The following CNOT11 variants were observed in gnomAD, a reference collection of about 807,000 sequenced individuals.
CNOT11 encodes CCR4-NOT transcription complex subunit 11, also known as UPF0760 protein C2orf29.
Under a neutral mutation model 44.6 loss-of-function variants are expected in CNOT11, and 18 were observed. The observed-to-expected ratio is 0.40, with a 90% CI of 0.28 to 0.60. The LOEUF is 0.60. CNOT11 is among the 20% of genes least tolerant of loss of function. The pLI is 0.38. For synonymous variants in CNOT11, 291 were observed against 270.9 expected (o/e 1.07, Z -0.73); for missense variants, 513 against 677.0 (o/e 0.76, Z 2.69).
intron 1 of CNOT11, among the ~76,000 whole-genome samples, chr2:101,254,854 C>T (rs1325658621): frequency 6.6e-6 from 1 of 151,108 alleles, no homozygotes; most frequent in African/African-American, 2.4e-5. Flanking sequence ...GTTAGGGTGA[C>T]AGCTTCTAAA....
Position 101,257,588 on chromosome 2 carries a change from T to C in CNOT11, c.515-203T>C, listed in dbSNP as rs115167526. ...AAGTACAAAAACCTTAAGTTTCATT[T>C]GTAGGGCCACAGATCATAGAATTTC... On this transcript the variant is annotated intron_variant, in intron 1 of 6. Coordinates refer to ENST00000289382, the MANE Select transcript of CNOT11 (RefSeq NM_017546.5). Among the ~76,000 whole-genome samples the C allele has an allele frequency of 4.4e-3, 676 of 152,276 alleles. 3 individuals carry two copies. The highest frequency in any genetic ancestry group is 0.015 in the African/African-American group (643 of 41,566).
At chr2:101,264,047 T>G (rs1428699922) in intron 3 of CNOT11, among the ~76,000 whole-genome samples, 1 of 152,208 alleles carries the variant, frequency 6.6e-6, no homozygotes, top group South Asian at 2.1e-4. Flanking sequence ...AACTAAAAAA[T>G]ATTTTCTGTA....
chr2:101,257,028 G>A lies in CNOT11; in HGVS notation c.515-763G>A, dbSNP rs1384674525. On this transcript the variant is annotated intron_variant, in intron 1 of 6. Coordinates refer to ENST00000289382, the MANE Select transcript of CNOT11 (RefSeq NM_017546.5). ...TGCACCACTGCACTCCAGCCTGGGC[G>A]ACAGAGCGAGATTCCATCTCAAAAA... is the stretch of plus-strand genomic sequence containing the variant. 4.0e-5 allele frequency among the ~76,000 whole-genome samples: 6 copies of A among 151,636 alleles called. No homozygotes were observed. The East Asian group carries it at 7.8e-4, about 20-fold the overall frequency.
At chr2:101,265,078 T>C (rs1573202758) in intron 4 of CNOT11, 31 bp downstream of exon 4, 1 of 1,341,064 alleles carries the variant, frequency 7.5e-7, no homozygotes, top group Non-Finnish European at 1.0e-6. Context: ...TTTTCTTATC[T>C]TTTTTTTTAA....
In CNOT11 at chr2:101,269,376, C is replaced by T; in HGVS notation, c.1496C>T (p.Thr499Ile). 1 of 1,614,060 alleles carries T rather than the reference C, an allele frequency of 6.2e-7. No individual in the cohort carries two copies. Among genetic ancestry groups the T allele is most frequent in the Non-Finnish European group, 8.5e-7 (1 of 1,179,998 alleles). The change falls in exon 7 of 7, where the codon ACT (threonine) becomes ATT (isoleucine). Residue 499 changes from threonine (T) to isoleucine (I), a missense_variant. Thr to Ile is a moderately conservative substitution (Grantham distance 89). Around this residue, in one of 4 missense-constraint regions of CNOT11, gnomAD observed 87 missense variants for 185.4 expected, o/e 0.47. Transcript: ENST00000289382. The surrounding 1 kb of genome is among the most constrained non-coding windows in gnomAD (Gnocchi z 4.8). Reference protein sequence around the residue: ...GLFRLLKTLDTGETPSETKMS... With the variant: ...GLFRLLKTLDIGETPSETKMS... The stretch of plus-strand genomic sequence containing the variant: ...TTCCGGTTGTTGAAGACATTGGATA[C>T]TGGGGAAACACCTTCTGAGACCAAA...
At chr2:101,262,364 C>A in intron 2 of CNOT11, 175 bp from the exon 3 acceptor site, 1 of 548,418 alleles carries the variant, frequency 1.8e-6, no homozygotes. Flanking sequence ...TTCCAAGAAC[C>A]TTTCAACAAC....
intron 1 of CNOT11, among the ~76,000 whole-genome samples, chr2:101,257,221 CG>C (rs1681752363): frequency 6.6e-6 from 1 of 150,978 alleles, no homozygotes; most frequent in East Asian, 2.0e-4. Flanking sequence ...GGTGAAACCC[CG>C]ACTCGACTAA....
intron 1 of CNOT11, among the ~76,000 whole-genome samples, chr2:101,256,622 C>T (rs1681739374): frequency 6.6e-6 from 1 of 152,216 alleles, no homozygotes; most frequent in Non-Finnish European, 1.5e-5. Context: ...CTGCTGGTTG[C>T]TCTTCTATTT....
At position 101,264,876 on chromosome 2, in the gene CNOT11, G is replaced by GCC; in HGVS notation, c.865_866dup (p.Pro290LeufsTer13). 6.2e-7 allele frequency: 1 copy of GCC among 1,613,948 alleles called. No homozygotes were observed. The highest frequency in any genetic ancestry group is 2.2e-5 in the East Asian group (1 of 44,866). ...TTCGACCAGAGTTTATTCGTCCACC[G>GCC]CCTCCACTCCACATTTGTGAGGATG... On this transcript the variant is annotated frameshift_variant, in exon 4 of 7. Coordinates refer to ENST00000289382, the MANE Select transcript of CNOT11 (RefSeq NM_017546.5). LOFTEE classifies it high-confidence loss of function.
chr2:101,262,487 C>G, intron 2 of CNOT11, 52 bp from the exon 3 acceptor site: 16 of 1,547,202 alleles, frequency 1.0e-5, no homozygotes, highest in Non-Finnish European at 1.2e-5. Flanking sequence ...GGTAGCTTGT[C>G]TTTTCTCTCT....
chr2:101,257,908 A>G lies in CNOT11; in HGVS notation c.632A>G (p.Asn211Ser), dbSNP rs201617284. 7.4e-5 allele frequency: 120 copies of G among 1,614,122 alleles called. No homozygotes were observed. Among genetic ancestry groups the G allele is most frequent in the Non-Finnish European group, 9.9e-5 (117 of 1,179,980 alleles). ...PRQIALMDVGNMGQSVDISGL... is the reference protein window; with the variant it reads ...PRQIALMDVGSMGQSVDISGL... ...CAGATTGCACTGATGGACGTTGGAAACATGGGCCAGTCTGTGGACATTAGT... is the reference window on the plus strand; with the variant it reads ...CAGATTGCACTGATGGACGTTGGAAGCATGGGCCAGTCTGTGGACATTAGT... Residue 211 changes from asparagine (N) to serine (S), a missense_variant, in exon 2 of 7, where the codon AAC becomes AGC. Physicochemically the swap from Asn to Ser is conservative, Grantham distance 46 (BLOSUM62 1). Transcript: ENST00000289382.
rs1682064378 is a variant in CNOT11, at chr2:101,269,551, T to G, written c.*138T>G. 3 of 632,520 alleles carry G rather than the reference T, an allele frequency of 4.7e-6. No homozygotes were observed. The Admixed American group carries it at 1.0e-4, about 21-fold the overall frequency. The allele number at this position is 632,520 out of a possible 1,614,324, so 39.2% of individuals were successfully genotyped here. A position where few individuals can be genotyped will look rare whatever the true frequency, so the allele number is the denominator to read the frequency against. On this transcript the variant is annotated 3_prime_UTR_variant, in exon 7 of 7. Coordinates refer to ENST00000289382, the MANE Select transcript of CNOT11 (RefSeq NM_017546.5). The surrounding 1 kb of genome is among the most constrained non-coding windows in gnomAD (Gnocchi z 4.8). ...TATCTACTTAAAGCAAAGTTTTGCT[T>G]TCTTGAATGACTTTTTCTGTGAGAT... is the stretch of plus-strand genomic sequence containing the variant.
intron 2 of CNOT11, among the ~76,000 whole-genome samples, chr2:101,262,139 C>T (rs946780353): frequency 1.6e-4 from 25 of 151,952 alleles, no homozygotes; most frequent in African/African-American, 5.8e-4. Flanking sequence ...TGAGCCACTG[C>T]GCCTGGTGGG....
At chr2:101,266,915 G>GATA (rs1558769824) in intron 5 of CNOT11, 36 bp downstream of exon 5, 1 of 1,503,020 alleles carries the variant, frequency 6.7e-7, no homozygotes, top group South Asian at 1.1e-5. Flanking sequence ...TGTGGGGATA[G>GATA]ATACAGATTA....
chr2:101,258,468 G>A (rs921753505), intron 2 of CNOT11, among the ~76,000 whole-genome samples: 1 of 151,832 alleles, frequency 6.6e-6, no homozygotes, highest in Non-Finnish European at 1.5e-5. Context: ...GATGCTAATA[G>A]CATGTAAATT....
intron 5 of CNOT11, among the ~76,000 whole-genome samples, chr2:101,268,468 A>AGT (rs1682040890): frequency 6.6e-6 from 1 of 152,238 alleles, no homozygotes; most frequent in African/African-American, 2.4e-5. Flanking sequence ...TACCTATCAT[A>AGT]GTGCATCATC....
At chr2:101,268,975 G>A in intron 5 of CNOT11, 65 bp from the exon 6 acceptor site, 1 of 1,026,922 alleles carries the variant, frequency 9.7e-7, no homozygotes, top group Non-Finnish European at 1.5e-6. Flanking sequence ...TGTATTTTAT[G>A]GTTAACAGTG....
At chr2:101,258,059 G>T in intron 2 of CNOT11, 104 bp downstream of exon 2, 2 of 1,170,164 alleles carry the variant, frequency 1.7e-6, no homozygotes, top group South Asian at 1.7e-5. Flanking sequence ...TAAAAGGTTA[G>T]TATCATCCAT....
chr2:101,253,498 G>A lies in CNOT11; in HGVS notation c.514+20G>A. Reference sequence around the variant, plus strand: ...TCTCAGGTACCTCCTGAAGCCAGCTGTGCCGTGTGGATAGCGTTAGATTCC... The same window carrying A: ...TCTCAGGTACCTCCTGAAGCCAGCTATGCCGTGTGGATAGCGTTAGATTCC... On this transcript the variant is annotated intron_variant, in intron 1 of 6. Coordinates refer to ENST00000289382, the MANE Select transcript of CNOT11 (RefSeq NM_017546.5). This position sits in a 1 kb window ranked among gnomAD's most constrained non-coding sequence, Gnocchi z 4.3. 1 of 1,431,244 alleles carries A rather than the reference G, an allele frequency of 7.0e-7. No homozygotes were observed. Among genetic ancestry groups the A allele is most frequent in the Middle Eastern group, 1.8e-4 (1 of 5,528 alleles). The allele number at this position is 1,431,244 out of a possible 1,614,324, so 88.7% of individuals were successfully genotyped here. A position where few individuals can be genotyped will look rare whatever the true frequency, so the allele number is the denominator to read the frequency against.
Sources: allele counts gnomAD v4.1 joint callset (sites outside exome capture counted in the v4.1 genomes callset), GRCh38; gene constraint gnomAD v4.1.1; regional missense constraint gnomAD v4.1.1; non-coding constraint Gnocchi (gnomAD v3.1); transcripts MANE v1.5; gene names NCBI Gene and HGNC (gene_info 2026-07-23, HGNC 2026-07-21).